Variants in PAK1 observed in about 807,000 individuals in gnomAD.
PAK1 encodes p21 (RAC1) activated kinase 1.
PAK1 carries 29 observed loss-of-function variants against 67.4 expected under a neutral mutation model. That is an observed-to-expected ratio of 0.43 (90% CI 0.32 to 0.59). The LOEUF (loss-of-function observed/expected upper bound fraction) is 0.59, where lower values mean the gene tolerates loss of function less well. Among genes scored for constraint, PAK1 ranks in the 20% least tolerant of loss-of-function variants. PAK1 has a pLI of 0.07. For synonymous variants in PAK1, 223 were observed against 237.4 expected, an observed-to-expected ratio of 0.94 and a Z score of 0.56; for missense variants, 337 against 670.7, an observed-to-expected ratio of 0.50 and a Z score of 5.50.
At chr11:77,446,091 C>A (rs1033012279) in intron 1 of PAK1, among the ~76,000 whole-genome samples, 3 of 152,216 alleles carry the variant, frequency 2.0e-5, no homozygotes, top group Non-Finnish European at 2.9e-5. Context: ...TCTTAGTCAT[C>A]TTTGTATCTC....
rs772678997 is a variant in PAK1, at chr11:77,374,293, C to G, written c.477+35G>C. ...ACTGTCTTGATCCTTACCTCCACAT[C>G]TGCCCACATCAAAATAGAGTAAATA... On this transcript the variant is annotated intron_variant, in intron 5 of 14. Transcript: ENST00000356341. 8 of 1,433,032 alleles carry G rather than the reference C, an allele frequency of 5.6e-6. No homozygotes were observed. The Admixed American group carries it at 8.4e-5, about 15-fold the overall frequency. 88.8% of individuals were successfully genotyped at this position (1,433,032 alleles called of 1,614,324 possible). A position where few individuals can be genotyped will look rare whatever the true frequency, so the allele number is the denominator to read the frequency against.
intron 1 of PAK1, among the ~76,000 whole-genome samples, chr11:77,396,368 TATA>T (rs1951830725): frequency 6.6e-6 from 1 of 152,238 alleles, no homozygotes; most frequent in African/African-American, 2.4e-5. Context: ...AGTTATCACT[TATA>T]ATAAGCTCTT....
Position 77,465,354 on chromosome 11 carries a change from G to A in PAK1, c.-22+8198C>T, listed in dbSNP as rs911844278. On this transcript the variant is annotated intron_variant, in intron 1 of 14. Transcript: ENST00000356341. ...AACTTCTGTTCATTTATAAAAATAT[G>A]ATGGCTAAAGAACAGAATTAAGTTA... is the stretch of plus-strand genomic sequence containing the variant. 3.3e-5 allele frequency among the ~76,000 whole-genome samples: 5 copies of A among 152,018 alleles called. No individual in the cohort carries two copies. The East Asian group carries it at 9.6e-4, about 29-fold the overall frequency.
At chr11:77,395,298 G>A (rs1951691514) in intron 1 of PAK1, among the ~76,000 whole-genome samples, 1 of 151,980 alleles carries the variant, frequency 6.6e-6, no homozygotes, top group Non-Finnish European at 1.5e-5. Context: ...GTCTTCCCTG[G>A]GAGCCAGAAT....
intron 1 of PAK1, among the ~76,000 whole-genome samples, chr11:77,448,560 C>T (rs1183753734): frequency 1.3e-5 from 2 of 152,198 alleles, no homozygotes; most frequent in Non-Finnish European, 2.9e-5. Context: ...GAGAAGGCAT[C>T]AGAGACAGAT....
chr11:77,370,756 T>C (rs1011570866), intron 5 of PAK1, among the ~76,000 whole-genome samples: 4 of 152,230 alleles, frequency 2.6e-5, no homozygotes, highest in African/African-American at 9.6e-5. Flanking sequence ...AAATTTGAGA[T>C]AGCAAGAGAG....
chr11:77,411,712 G>C (rs1164349874), intron 1 of PAK1: 4 of 152,422 alleles, frequency 2.6e-5, no homozygotes, highest in South Asian at 2.1e-4. Context: ...CTCTCCGAAA[G>C]CCGGCGGAGA....
At chr11:77,337,482 TTAA>T in intron 11 of PAK1, 59 bp from the exon 12 acceptor site, 1 of 843,868 alleles carries the variant, frequency 1.2e-6, no homozygotes, top group Non-Finnish European at 1.9e-6. Context: ...TACAGAAGAC[TTAA>T]TAGAAAATCC....
chr11:77,472,989 C>T (rs1056997205), intron 1 of PAK1, among the ~76,000 whole-genome samples: 3 of 152,264 alleles, frequency 2.0e-5, no homozygotes, highest in African/African-American at 7.2e-5. Context: ...AAATCTCCTT[C>T]CCCGGTTGTT....
intron 1 of PAK1, among the ~76,000 whole-genome samples, chr11:77,448,713 T>C (rs1424433121): frequency 6.6e-6 from 1 of 152,194 alleles, no homozygotes; most frequent in Admixed American, 6.5e-5. Context: ...TGTGAAAACT[T>C]ACAAAGAAGT....
chr11:77,439,522 C>G (rs1445922333), intron 1 of PAK1, among the ~76,000 whole-genome samples: 1 of 152,132 alleles, frequency 6.6e-6, no homozygotes, highest in Non-Finnish European at 1.5e-5. Context: ...GTGTTAGATG[C>G]CCCTAAAGGG....
At chr11:77,490,295 C>CCCCCCCCCCGG in the PAK1 span, among the ~76,000 whole-genome samples, 111 of 147,982 alleles carry the variant, frequency 7.5e-4, 2 homozygotes, top group East Asian at 2.9e-3. Context: ...GGTCAGCCCC[C>CCCCCCCCCCGG]CCACCCGGCC....
At chr11:77,506,046 C>T in the PAK1 span, among the ~76,000 whole-genome samples, 2 of 152,122 alleles carry the variant, frequency 1.3e-5, no homozygotes, top group African/African-American at 2.4e-5. Context: ...TCCAGCAGGG[C>T]TCCCAGTCAG....
chr11:77,366,926 A>G (rs1947670079), intron 5 of PAK1, among the ~76,000 whole-genome samples: 1 of 152,238 alleles, frequency 6.6e-6, no homozygotes, highest in Non-Finnish European at 1.5e-5. Flanking sequence ...AATGACCAAA[A>G]AGTAGGAACA....
intron 14 of PAK1, among the ~76,000 whole-genome samples, chr11:77,324,632 T>C (rs1398897818): frequency 2.0e-5 from 3 of 152,148 alleles, no homozygotes; most frequent in Non-Finnish European, 4.4e-5. Flanking sequence ...CTGCCCTGGC[T>C]ACCAGGAAAT....
intron 1 of PAK1, among the ~76,000 whole-genome samples, chr11:77,443,701 G>C (rs1180170312): frequency 6.6e-6 from 1 of 152,144 alleles, no homozygotes; most frequent in Non-Finnish European, 1.5e-5. Context: ...CATTAATTCA[G>C]TAAGCTTTTA....
chr11:77,353,317 G>C, intron 8 of PAK1: 1 of 470,890 alleles, frequency 2.1e-6, no homozygotes, highest in Non-Finnish European at 3.8e-6. Context: ...CACTGCAGGG[G>C]TATTTTTAGC....
intron 6 of PAK1, chr11:77,356,045 AAAG>A: frequency 2.1e-6 from 1 of 480,988 alleles, no homozygotes; most frequent in Non-Finnish European, 3.7e-6. Flanking sequence ...ACTGTAAACA[AAAG>A]AAGTGAGAGT....
the PAK1 span, among the ~76,000 whole-genome samples, chr11:77,489,749 T>C: frequency 6.6e-6 from 1 of 151,618 alleles, no homozygotes; most frequent in Non-Finnish European, 1.5e-5. Context: ...GTTCACTCAG[T>C]GCTCAATGGT....
Sources: gnomAD v4.1 joint callset for allele counts (sites outside exome capture counted in the v4.1 genomes callset) on GRCh38, gnomAD v4.1.1 for gene constraint, MANE v1.5 for transcripts, NCBI Gene and HGNC (gene_info 2026-07-23, HGNC 2026-07-21) for gene names.